The following CCDC88C variants were observed in gnomAD, a reference collection of about 807,000 sequenced individuals.
CCDC88C encodes the protein protein Daple.
A neutral mutation model predicts 198.8 loss-of-function variants in CCDC88C; 131 were observed. The observed-to-expected ratio is 0.66, with a 90% CI of 0.57 to 0.76. CCDC88C has a LOEUF of 0.76. Ranked by LOEUF, CCDC88C falls within the 30% of genes least tolerant of loss-of-function variation. The pLI is 0.00. For missense variants in CCDC88C, 2,553 were observed against 2,631.6 expected, an observed-to-expected ratio of 0.97 and a Z score of 0.65; for synonymous variants, 1,166 against 1,114.7, an observed-to-expected ratio of 1.05 and a Z score of -0.92.
chr14:91,398,159 T>TTCC (rs1446878917), intron 3 of CCDC88C, among the ~76,000 whole-genome samples: 1 of 152,182 alleles, frequency 6.6e-6, no homozygotes, highest in Non-Finnish European at 1.5e-5. Flanking sequence ...AGTCCCACAG[T>TTCC]TCCTCGCTGC....
At chr14:91,380,008 C>G (rs942220296) in intron 3 of CCDC88C, 1 of 653,958 alleles carries the variant, frequency 1.5e-6, no homozygotes, top group Non-Finnish European at 2.8e-6. Flanking sequence ...CCGTGAGAAC[C>G]AACTCCACGC....
rs757615864 is a variant in CCDC88C at position 91,340,036 on chromosome 14, C to T, written c.484-12G>A. ...TGGTTGTGAGTCACCTGTGGGCACACATGGCAGGGCACTGCAGGGGCGGCA... is the reference window on the plus strand; with the variant it reads ...TGGTTGTGAGTCACCTGTGGGCACATATGGCAGGGCACTGCAGGGGCGGCA... On this transcript the variant is annotated splice_polypyrimidine_tract_variant and intron_variant, in intron 6 of 29. Transcript: ENST00000389857. The T allele has an allele frequency of 6.2e-6, 10 of 1,608,592 alleles. No homozygotes were observed. In the South Asian group the frequency reaches 1.1e-4, roughly 18 times the overall value.
At chr14:91,323,549 T>A (rs1245024481) in intron 12 of CCDC88C, among the ~76,000 whole-genome samples, 1 of 152,218 alleles carries the variant, frequency 6.6e-6, no homozygotes, top group Non-Finnish European at 1.5e-5. Flanking sequence ...CACGATGCCA[T>A]CATTCTAGCA....
At chr14:91,310,840 G>A (rs539437030) in intron 15 of CCDC88C, among the ~76,000 whole-genome samples, 6 of 152,246 alleles carry the variant, frequency 3.9e-5, no homozygotes, top group East Asian at 1.9e-4. Context: ...ACAGTCATTC[G>A]CATGCACGCT....
rs759932026 is a variant in CCDC88C at position 91,338,548 on chromosome 14, C to G, written c.832G>C (p.Val278Leu). Residue 278 changes from valine (V) to leucine (L), a missense_variant, in exon 9 of 30, where the codon GTG becomes CTG. By Grantham distance (32) the Val-to-Leu change is conservative (BLOSUM62 1). This residue lies in a region of CCDC88C where 1,260 missense variants were observed against 1,412.0 expected (regional missense o/e 0.89). Transcript: ENST00000389857. This position sits in a 1 kb window ranked among gnomAD's most constrained non-coding sequence, Gnocchi z 4.8. The part of the protein sequence containing the change: ...QELEDKTEQL[V>L]DTRHEVDQLV... ...TGGTCCACCTCATGTCTGGTGTCCACAAGCTGCTCTGTCTTATCCTCCCTG... is the reference window on the plus strand; with the variant it reads ...TGGTCCACCTCATGTCTGGTGTCCAGAAGCTGCTCTGTCTTATCCTCCCTG... The G allele has an allele frequency of 1.1e-5, 17 of 1,569,392 alleles. No individual in the cohort carries two copies. The African/African-American group carries it at 2.0e-4, about 19-fold the overall frequency.
chr14:91,321,894 G>A (rs1008194818), intron 12 of CCDC88C, among the ~76,000 whole-genome samples: 6 of 152,142 alleles, frequency 3.9e-5, no homozygotes, highest in Non-Finnish European at 7.3e-5. Context: ...TTCTAAATGA[G>A]ATGAAAAATA....
intron 3 of CCDC88C, among the ~76,000 whole-genome samples, chr14:91,401,535 C>T (rs1032190303): frequency 6.6e-6 from 1 of 151,626 alleles, no homozygotes; most frequent in East Asian, 1.9e-4. Context: ...CAGGGTTTCA[C>T]CATGTTAGCC....
intron 10 of CCDC88C, among the ~76,000 whole-genome samples, chr14:91,327,774 G>A (rs1892640140): frequency 3.3e-5 from 5 of 152,304 alleles, no homozygotes; most frequent in Admixed American, 6.5e-5. Flanking sequence ...TTTGACCAGC[G>A]TTCCAGCAGG....
intron 3 of CCDC88C, among the ~76,000 whole-genome samples, chr14:91,383,084 C>T (rs1374570358): frequency 1.3e-5 from 2 of 152,238 alleles, no homozygotes; most frequent in Non-Finnish European, 1.5e-5. Flanking sequence ...CACCCCTTCC[C>T]AGCACCTTCC....
intron 27 of CCDC88C, among the ~76,000 whole-genome samples, chr14:91,280,131 T>G (rs1278263402): frequency 6.6e-6 from 1 of 152,152 alleles, no homozygotes; most frequent in Non-Finnish European, 1.5e-5. Context: ...AGAGCAAACA[T>G]GTCTACGCTG....
chr14:91,367,162 C>A (rs751894170), intron 3 of CCDC88C, among the ~76,000 whole-genome samples: 3 of 152,228 alleles, frequency 2.0e-5, no homozygotes, highest in Non-Finnish European at 4.4e-5. Flanking sequence ...CTGCCGAAAG[C>A]CAAGCGTTTA....
intron 2 of CCDC88C, among the ~76,000 whole-genome samples, chr14:91,412,846 G>A (rs1361986052): frequency 2.0e-5 from 3 of 151,980 alleles, no homozygotes; most frequent in Non-Finnish European, 4.4e-5. Flanking sequence ...AGATTTTTGC[G>A]CCAATACAAA....
chr14:91,350,385 C>A (rs2139884442), intron 4 of CCDC88C, among the ~76,000 whole-genome samples: 1 of 152,298 alleles, frequency 6.6e-6, no homozygotes, highest in Middle Eastern at 3.4e-3. Flanking sequence ...TGGTCTTGAG[C>A]TCCTGACCTC....
chr14:91,412,019 G>C (rs1295484428), intron 2 of CCDC88C, among the ~76,000 whole-genome samples: 1 of 150,064 alleles, frequency 6.7e-6, no homozygotes, highest in African/African-American at 2.5e-5. Flanking sequence ...ATTTTAAAAA[G>C]AGTTATAATT....
At position 91,325,204 on chromosome 14, in the gene CCDC88C, G is replaced by C. The variant is rs1364530604; in HGVS notation, c.1198-281C>G. ...TGAACAAAGTGACATACTGCACAGG[G>C]CTTTAAAGCAAGTGTGCAGTGATGG... On this transcript the variant is annotated intron_variant, in intron 11 of 29. Coordinates refer to ENST00000389857, the MANE Select transcript of CCDC88C (RefSeq NM_001080414.4). The surrounding 1 kb of genome is among the most constrained non-coding windows in gnomAD (Gnocchi z 4.1). Among the ~76,000 whole-genome samples the C allele has an allele frequency of 6.6e-6, 1 of 152,224 alleles. No homozygotes were observed. The highest frequency in any genetic ancestry group is 1.5e-5 in the Non-Finnish European group (1 of 68,048).
intron 19 of CCDC88C, 97 bp from the exon 20 acceptor site, chr14:91,304,075 G>C: frequency 7.1e-7 from 1 of 1,399,500 alleles, no homozygotes; most frequent in Non-Finnish European, 9.8e-7. Flanking sequence ...GAAAATAGCC[G>C]GGACCCTCAG....
At chr14:91,292,609 C>T (rs1890710469) in intron 23 of CCDC88C, among the ~76,000 whole-genome samples, 1 of 152,106 alleles carries the variant, frequency 6.6e-6, no homozygotes, top group Non-Finnish European at 1.5e-5. Context: ...GATAGCACAC[C>T]AGTGTTCACT....
At chr14:91,393,671 T>C (rs777917139) in intron 3 of CCDC88C, among the ~76,000 whole-genome samples, 5 of 152,212 alleles carry the variant, frequency 3.3e-5, no homozygotes, top group East Asian at 1.9e-4. Context: ...CTGTCCAACA[T>C]GGTGAAACCC....
At chr14:91,295,354 T>C (rs988892195) in intron 22 of CCDC88C, among the ~76,000 whole-genome samples, 6 of 152,344 alleles carry the variant, frequency 3.9e-5, no homozygotes, top group African/African-American at 1.4e-4. Context: ...TTAAAACAAA[T>C]ACCATAATAA....
Sources: gnomAD v4.1 joint callset for allele counts (sites outside exome capture counted in the v4.1 genomes callset) on GRCh38, gnomAD v4.1.1 for gene constraint, gnomAD v4.1.1 regional missense constraint, Gnocchi (gnomAD v3.1) non-coding constraint, MANE v1.5 for transcripts, NCBI Gene and HGNC (gene_info 2026-07-23, HGNC 2026-07-21) for gene names.